The following MBD5 variants were observed in gnomAD, a reference collection of about 807,000 sequenced individuals.
MBD5 encodes methyl-CpG-binding domain protein 5.
MBD5 carries 13 observed loss-of-function variants against 117.3 expected under a neutral mutation model. The observed-to-expected ratio is 0.11, with a 90% CI of 0.07 to 0.18. MBD5 has a LOEUF of 0.18. Among genes scored for constraint, MBD5 ranks in the 10% least tolerant of loss-of-function variants. MBD5 has a pLI of 1.00. For missense variants in MBD5, 1,879 were observed against 2,093.8 expected (o/e 0.90, Z 2.00); for synonymous variants, 727 against 766.4 (o/e 0.95, Z 0.85).
intron 4 of MBD5, among the ~76,000 whole-genome samples, chr2:148,413,892 A>T (rs1574398990): frequency 7.0e-6 from 1 of 143,570 alleles, no homozygotes. Flanking sequence ...GCAGTATATC[A>T]ATCTTACTTA....
intron 7 of MBD5, among the ~76,000 whole-genome samples, chr2:148,467,790 G>A (rs1480550256): frequency 1.3e-5 from 2 of 152,144 alleles, no homozygotes; most frequent in African/African-American, 2.4e-5. Context: ...AAATATTACG[G>A]TATCTGTTCT....
intron 4 of MBD5, among the ~76,000 whole-genome samples, chr2:148,446,650 C>G (rs888325685): frequency 1.5e-5 from 2 of 136,170 alleles, no homozygotes; most frequent in Non-Finnish European, 3.2e-5. Context: ...AATACTTGAG[C>G]TTGCTATCCG....
chr2:148,063,926 G>A (rs578141612), intron 1 of MBD5, among the ~76,000 whole-genome samples: 2 of 152,054 alleles, frequency 1.3e-5, no homozygotes, highest in South Asian at 2.1e-4. Flanking sequence ...GTGCCAACAA[G>A]CTCTAGTTTT....
chr2:148,133,926 A>G (rs1697110242), intron 1 of MBD5, among the ~76,000 whole-genome samples: 1 of 152,154 alleles, frequency 6.6e-6, no homozygotes, highest in Non-Finnish European at 1.5e-5. Context: ...ATTCAAAATA[A>G]TTTAAATTAT....
intron 4 of MBD5, among the ~76,000 whole-genome samples, chr2:148,380,509 G>A (rs1336620458): frequency 1.3e-5 from 2 of 152,108 alleles, no homozygotes; most frequent in African/African-American, 4.8e-5. Flanking sequence ...TCTTTGAATA[G>A]CTCATTAACC....
At chr2:148,186,127 C>T (rs1166380755) in intron 2 of MBD5, among the ~76,000 whole-genome samples, 1 of 152,224 alleles carries the variant, frequency 6.6e-6, no homozygotes, top group East Asian at 1.9e-4. Context: ...GGCTGTGTCA[C>T]CACTCAGATC....
At position 148,465,311 on chromosome 2, in the gene MBD5, CCCT is replaced by C. The variant is rs897155543; in HGVS notation, c.397+1393_397+1395del. On this transcript the variant is annotated intron_variant, in intron 7 of 13. Coordinates refer to ENST00000642680, the MANE Select transcript of MBD5 (RefSeq NM_001378120.1). ...ATTTGATTTTCCCATTATTGAAGTA[CCCT>C]TTTCCCTTTATGATTAATGTGTACT... Among the ~76,000 whole-genome samples, 99 of 152,190 alleles carry C rather than the reference CCCT, an allele frequency of 6.5e-4. 2 individuals carry two copies. The highest frequency in any genetic ancestry group is 2.2e-3 in the African/African-American group (92 of 41,560).
chr2:148,278,848 G>T (rs1001383687), intron 3 of MBD5, among the ~76,000 whole-genome samples: 7 of 152,176 alleles, frequency 4.6e-5, no homozygotes, highest in Non-Finnish European at 2.9e-5. Context: ...TCAGTCTAAG[G>T]CTGAAGGCCT....
At chr2:148,306,109 A>G (rs1364911897) in intron 3 of MBD5, among the ~76,000 whole-genome samples, 1 of 152,230 alleles carries the variant, frequency 6.6e-6, no homozygotes, top group African/African-American at 2.4e-5. Context: ...CCAGGCTAGG[A>G]TAGCAAGCCA....
intron 1 of MBD5, among the ~76,000 whole-genome samples, chr2:148,131,460 G>A (rs757796475): frequency 6.6e-5 from 10 of 152,136 alleles, no homozygotes; most frequent in Non-Finnish European, 1.3e-4. Flanking sequence ...TTGGGGGGCC[G>A]AGGTAGGAGG....
intron 8 of MBD5, among the ~76,000 whole-genome samples, chr2:148,475,857 G>A (rs1484862116): frequency 6.6e-6 from 1 of 152,066 alleles, no homozygotes; most frequent in Non-Finnish European, 1.5e-5. Flanking sequence ...CATGCATGTA[G>A]TACTAAATAA....
At chr2:148,242,102 A>G (rs1700227278) in intron 3 of MBD5, among the ~76,000 whole-genome samples, 2 of 152,146 alleles carry the variant, frequency 1.3e-5, no homozygotes, top group Admixed American at 6.6e-5. Flanking sequence ...TCCTGTATGT[A>G]AAGTGGAAAT....
chr2:148,287,617 C>T (rs998653817), intron 3 of MBD5, among the ~76,000 whole-genome samples: 11 of 152,158 alleles, frequency 7.2e-5, no homozygotes, highest in South Asian at 4.1e-4. Flanking sequence ...TAAAGAAAAA[C>T]GTATTTCTCA....
chr2:148,161,348 A>G (rs1377724734), intron 1 of MBD5, among the ~76,000 whole-genome samples: 1 of 152,198 alleles, frequency 6.6e-6, no homozygotes, highest in Non-Finnish European at 1.5e-5. Flanking sequence ...CTCTGGCATT[A>G]TGGGGATGCT....
At chr2:148,485,713 ATTTATAT>A (rs761873712) in intron 9 of MBD5, 22 bp from the exon 10 acceptor site, 3 of 1,509,454 alleles carry the variant, frequency 2.0e-6, no homozygotes, top group Admixed American at 3.6e-5. Flanking sequence ...AATCACATTT[ATTTATAT>A]TTTATGTTTT....
At chr2:148,282,902 C>CG (rs1701283558) in intron 3 of MBD5, among the ~76,000 whole-genome samples, 2 of 143,680 alleles carry the variant, frequency 1.4e-5, no homozygotes, top group African/African-American at 5.1e-5. Context: ...CTTAACCGCC[C>CG]CCCCCCATCA....
At chr2:148,362,282 T>C (rs565213263) in intron 4 of MBD5, among the ~76,000 whole-genome samples, 1 of 152,116 alleles carries the variant, frequency 6.6e-6, no homozygotes, top group Non-Finnish European at 1.5e-5. Context: ...GAACCTGAGA[T>C]GGTGGAGCTT....
chr2:148,257,121 G>C, intron 3 of MBD5, among the ~76,000 whole-genome samples: 1 of 152,136 alleles, frequency 6.6e-6, no homozygotes, highest in African/African-American at 2.4e-5. Flanking sequence ...CCATAGTTGG[G>C]ACCAAAAGCC....
intron 2 of MBD5, among the ~76,000 whole-genome samples, chr2:148,207,856 C>T (rs1699324993): frequency 1.3e-5 from 2 of 152,130 alleles, no homozygotes; most frequent in African/African-American, 2.4e-5. Context: ...TTCATGTATA[C>T]CAAAATAACT....
Sources: allele counts gnomAD v4.1 joint callset (sites outside exome capture counted in the v4.1 genomes callset), GRCh38; gene constraint gnomAD v4.1.1; transcripts MANE v1.5; gene names NCBI Gene and HGNC (gene_info 2026-07-23, HGNC 2026-07-21).